Variants in CDKAL1 observed in about 807,000 individuals in gnomAD.
CDKAL1 encodes CDKAL1 threonylcarbamoyladenosine tRNA methylthiotransferase, also known as threonylcarbamoyladenosine tRNA methylthiotransferase.
Under a neutral mutation model 68.2 loss-of-function variants are expected in CDKAL1, and 32 were observed. The ratio of observed to expected loss-of-function variants is 0.47; its 90% confidence interval spans 0.35 to 0.63. CDKAL1 has a LOEUF of 0.63. CDKAL1 is among the 30% of genes least tolerant of loss of function. CDKAL1 has a pLI of 0.00. For missense variants in CDKAL1, 606 were observed against 696.7 expected, an observed-to-expected ratio of 0.87 and a Z score of 1.47; for synonymous variants, 234 against 244.3, an observed-to-expected ratio of 0.96 and a Z score of 0.39.
chr6:20,730,626 C>T (rs1279779316), intron 5 of CDKAL1, among the ~76,000 whole-genome samples: 1 of 151,990 alleles, frequency 6.6e-6, no homozygotes, highest in African/African-American at 2.4e-5. Flanking sequence ...GGGCAGATCA[C>T]TTGATGTCAG....
At chr6:21,068,318 G>C (rs375327991) in intron 12 of CDKAL1, among the ~76,000 whole-genome samples, 1 of 151,930 alleles carries the variant, frequency 6.6e-6, no homozygotes, top group Non-Finnish European at 1.5e-5. Flanking sequence ...TCAATGTACT[G>C]TTCTAGAAAT....
In CDKAL1 at chr6:20,931,152, C is replaced by G. The variant is rs559082911; in HGVS notation, c.743-24267C>G. ...GAACCAGAATTCTAACCCAGACTGA[C>G]TAAAGCTTAGCCTAACTGCATCACT... On this transcript the variant is annotated intron_variant, in intron 9 of 15. Transcript: ENST00000274695. Among the ~76,000 whole-genome samples, 60 of 152,314 alleles carry G rather than the reference C, an allele frequency of 3.9e-4. 1 individual carries two copies. Among genetic ancestry groups the G allele is most frequent in the African/African-American group, 1.3e-3 (54 of 41,582 alleles).
In CDKAL1 at chr6:20,765,402, C is replaced by T. The variant is rs549820748; in HGVS notation, c.517+6759C>T. ...CGATCTCCTGACCTCGTGATCCGCCCGCCTCGGCCTCCCAAAGTGCTGGGA... is the reference window on the plus strand; with the variant it reads ...CGATCTCCTGACCTCGTGATCCGCCTGCCTCGGCCTCCCAAAGTGCTGGGA... On this transcript the variant is annotated intron_variant, in intron 7 of 15. Coordinates refer to ENST00000274695, the MANE Select transcript of CDKAL1 (RefSeq NM_017774.3). 3.3e-4 allele frequency among the ~76,000 whole-genome samples: 10 copies of T among 30,346 alleles called. 3 individuals are homozygous for T. The highest frequency in any genetic ancestry group is 5.1e-4 in the Non-Finnish European group (8 of 15,832). The allele number at this position is 30,346 out of a possible 152,430, so 19.9% of individuals were successfully genotyped here. A position where few individuals can be genotyped will look rare whatever the true frequency, so the allele number is the denominator to read the frequency against.
intron 11 of CDKAL1, among the ~76,000 whole-genome samples, chr6:21,013,101 C>T (rs1445933818): frequency 6.6e-6 from 1 of 152,196 alleles, no homozygotes; most frequent in African/African-American, 2.4e-5. Flanking sequence ...AATCCCATCT[C>T]TGCCAAGAAA....
intron 13 of CDKAL1, among the ~76,000 whole-genome samples, chr6:21,144,663 G>C (rs549287489): frequency 6.6e-6 from 1 of 151,590 alleles, no homozygotes; most frequent in Admixed American, 6.6e-5. Flanking sequence ...AGCTGGGTGT[G>C]GTGGCATGTA....
At chr6:20,920,825 T>A (rs1244824434) in intron 9 of CDKAL1, among the ~76,000 whole-genome samples, 1 of 152,196 alleles carries the variant, frequency 6.6e-6, no homozygotes. Flanking sequence ...AACATTCACT[T>A]ACCCTTTATA....
rs139077095 is a variant in CDKAL1 at position 20,781,263 on chromosome 6, C to T, written c.636C>T (p.Thr212=). The change falls in exon 8 of 16, where the codon ACC becomes ACT. Residue 212 remains threonine (T), a splice_region_variant and synonymous_variant. Coordinates refer to ENST00000274695, the MANE Select transcript of CDKAL1 (RefSeq NM_017774.3). ...NPLIEIISIN[T]GCLNACTYCK... ...TGATAGAAATCATTTCCATCAATAC[C>T]GGGTAAGCATCTCTCAAACTTGCTC... is the stretch of plus-strand genomic sequence containing the variant. 746 of 1,607,160 alleles carry T rather than the reference C, an allele frequency of 4.6e-4. 1 individual carries two copies. The highest frequency in any genetic ancestry group is 6.6e-4 in the Middle Eastern group (4 of 6,050).
intron 4 of CDKAL1, among the ~76,000 whole-genome samples, chr6:20,590,357 TATTTATTTTATTATACTTTAAG>T (rs1360029314): frequency 1.3e-5 from 2 of 152,186 alleles, no homozygotes; most frequent in African/African-American, 4.8e-5. Flanking sequence ...TTTTATTTTT[TATTTATTTTATTATACTTTAAG>T]TTCTGGGATA....
intron 4 of CDKAL1, among the ~76,000 whole-genome samples, chr6:20,580,106 C>G (rs143897469): frequency 6.6e-6 from 1 of 152,018 alleles, no homozygotes; most frequent in South Asian, 2.1e-4. Flanking sequence ...TGTGAATGTA[C>G]GTATGTTTGA....
At chr6:21,205,753 G>C (rs6932914) in intron 15 of CDKAL1, among the ~76,000 whole-genome samples, 24 of 147,950 alleles carry the variant, frequency 1.6e-4, no homozygotes, top group Admixed American at 1.4e-3. Flanking sequence ...GGATGGTCTC[G>C]ATCTCCTGAC....
chr6:20,747,743 G>A (rs939728994), intron 6 of CDKAL1, among the ~76,000 whole-genome samples: 2 of 152,088 alleles, frequency 1.3e-5, no homozygotes, highest in African/African-American at 4.8e-5. Context: ...CCCTTATCAG[G>A]TATATGGTTT....
chr6:20,968,403 C>A (rs1225460128), intron 10 of CDKAL1, among the ~76,000 whole-genome samples: 1 of 152,198 alleles, frequency 6.6e-6, no homozygotes, highest in East Asian at 1.9e-4. Context: ...AAGTGATCCT[C>A]CCGCCTTGGC....
chr6:20,941,767 T>C (rs1309748683), intron 9 of CDKAL1, among the ~76,000 whole-genome samples: 1 of 152,204 alleles, frequency 6.6e-6, no homozygotes, highest in East Asian at 1.9e-4. Context: ...GAATTGGCAC[T>C]TTGGGGCAAA....
intron 5 of CDKAL1, among the ~76,000 whole-genome samples, chr6:20,737,383 T>C (rs1773244489): frequency 6.6e-6 from 1 of 152,262 alleles, no homozygotes; most frequent in Non-Finnish European, 1.5e-5. Context: ...ACTTGTCTTC[T>C]TCATTACCGT....
intron 9 of CDKAL1, among the ~76,000 whole-genome samples, chr6:20,853,538 A>G (rs1759154554): frequency 6.6e-6 from 1 of 152,200 alleles, no homozygotes; most frequent in Admixed American, 6.5e-5. Flanking sequence ...ATGTTAATAC[A>G]TATTGTCAAT....
rs117804487 is a variant in CDKAL1, at chr6:21,087,497, C to G, written c.1237-20904C>G. Among the ~76,000 whole-genome samples, 178 of 152,252 alleles carry G rather than the reference C, an allele frequency of 1.2e-3. 3 individuals are homozygous for G. The East Asian group carries it at 0.031, about 26-fold the overall frequency. On this transcript the variant is annotated intron_variant, in intron 12 of 15. Coordinates refer to ENST00000274695, the MANE Select transcript of CDKAL1 (RefSeq NM_017774.3). ...GACATAAGCCACTGCTCCTGGCCAA[C>G]TTCAGGTCTTTTTATTTGCCAAGTG... is the stretch of plus-strand genomic sequence containing the variant.
chr6:21,078,077 A>G (rs1229251817), intron 12 of CDKAL1, among the ~76,000 whole-genome samples: 1 of 152,182 alleles, frequency 6.6e-6, no homozygotes, highest in Non-Finnish European at 1.5e-5. Context: ...TCCTGAAGGA[A>G]CACAGCCCTG....
chr6:20,607,772 G>A (rs1766396685), intron 4 of CDKAL1, among the ~76,000 whole-genome samples: 1 of 151,644 alleles, frequency 6.6e-6, no homozygotes, highest in Non-Finnish European at 1.5e-5. Context: ...TCAGCTCACT[G>A]CAACCTCCGC....
At chr6:20,743,142 G>A (rs1435853197) in intron 6 of CDKAL1, among the ~76,000 whole-genome samples, 1 of 152,140 alleles carries the variant, frequency 6.6e-6, no homozygotes, top group Non-Finnish European at 1.5e-5. Context: ...AGTGACTTGG[G>A]AAACTATTTT....
Sources: gnomAD v4.1 joint callset for allele counts (sites outside exome capture counted in the v4.1 genomes callset) on GRCh38, gnomAD v4.1.1 for gene constraint, MANE v1.5 for transcripts, NCBI Gene and HGNC (gene_info 2026-07-23, HGNC 2026-07-21) for gene names.